Variants in VNN1 observed in about 807,000 individuals in gnomAD.
The protein encoded by VNN1 is pantetheinase.
Under a neutral mutation model 41.9 loss-of-function variants are expected in VNN1, and 29 were observed. The observed-to-expected ratio is 0.69, with a 90% CI of 0.52 to 0.94. The LOEUF (loss-of-function observed/expected upper bound fraction) is 0.94. VNN1 is among the 40% of genes least tolerant of loss of function. VNN1 has a pLI of 0.00. For synonymous variants in VNN1, 233 were observed against 224.4 expected (o/e 1.04, Z -0.34); for missense variants, 637 against 621.1 (o/e 1.03, Z -0.27).
chr6:132,700,164 ATGGTCT>A (rs1778430362), intron 2 of VNN1, among the ~76,000 whole-genome samples: 1 of 152,208 alleles, frequency 6.6e-6, no homozygotes, highest in African/African-American at 2.4e-5. Flanking sequence ...GATATGGCAG[ATGGTCT>A]CCACATTGGG....
At position 132,693,124 on chromosome 6, in the gene VNN1, C is replaced by G. The variant is rs1342847261; in HGVS notation, c.726G>C (p.Leu242Phe). 1 of 1,613,950 alleles carries G rather than the reference C, an allele frequency of 6.2e-7. No homozygotes were observed. The highest frequency in any genetic ancestry group is 1.7e-5 in the Admixed American group (1 of 59,992). ...IVFPTAWMNV[L>F]PHLSAVEFHS... Reference sequence around the variant, plus strand: ...GGAATTCAACAGCTGACAAATGTGGCAAAACATTCATCCAAGCTGTTGGGA... The same window carrying G: ...GGAATTCAACAGCTGACAAATGTGGGAAAACATTCATCCAAGCTGTTGGGA... Residue 242 changes from leucine to phenylalanine, a missense_variant, in exon 4 of 7, where the codon TTG becomes TTC. Leu to Phe is a conservative substitution (Grantham distance 22). Coordinates refer to ENST00000367928, the MANE Select transcript of VNN1 (RefSeq NM_004666.3).
In VNN1 at chr6:132,694,114, G is replaced by A. The variant is rs1223306276; in HGVS notation, c.410C>T (p.Ala137Val). ...LAKNNSIYVV[A>V]NIGDKKPCDT... ...GCATGGCTTCTTGTCCCCAATATTT[G>A]CCACAACATAGATAGAGTTGTTCTT... The change falls in exon 3 of 7, where the codon GCA becomes GTA. Residue 137 changes from alanine (A) to valine (V), a missense_variant. Physicochemically the swap from Ala to Val is moderately conservative, Grantham distance 64 (BLOSUM62 0). Transcript: ENST00000367928. 1 of 1,613,902 alleles carries A rather than the reference G, an allele frequency of 6.2e-7. No individual in the cohort carries two copies. The highest frequency in any genetic ancestry group is 1.3e-5 in the African/African-American group (1 of 74,888).
intron 5 of VNN1, among the ~76,000 whole-genome samples, chr6:132,688,990 G>A (rs1201173212): frequency 2.0e-5 from 3 of 152,120 alleles, no homozygotes; most frequent in East Asian, 3.9e-4. Context: ...CCAGGATCAA[G>A]CAATTCTCCT....
chr6:132,713,742 C>T lies in VNN1; in HGVS notation c.210+84G>A, dbSNP rs145379570. On this transcript the variant is annotated intron_variant, in intron 1 of 6. Transcript: ENST00000367928. ...ATACATATATCATCTAAAAGTGTAA[C>T]TGACCCTGACAGTGGCCCTGTCTCC... is the stretch of plus-strand genomic sequence containing the variant. 5.9e-3 allele frequency: 8,452 copies of T among 1,431,546 alleles called. 47 individuals carry two copies. The highest frequency in any genetic ancestry group is 9.0e-3 in the Middle Eastern group (35 of 3,880). The allele number at this position is 1,431,546 out of a possible 1,614,324, so 88.7% of individuals were successfully genotyped here.
At chr6:132,689,637 C>T (rs532772804) in intron 5 of VNN1, among the ~76,000 whole-genome samples, 1 of 152,256 alleles carries the variant, frequency 6.6e-6, no homozygotes, top group African/African-American at 2.4e-5. Context: ...TCCTTTCCTG[C>T]CCCAAATACC....
chr6:132,710,155 T>G (rs1778578104), intron 2 of VNN1, among the ~76,000 whole-genome samples: 1 of 152,036 alleles, frequency 6.6e-6, no homozygotes, highest in Non-Finnish European at 1.5e-5. Context: ...TTCAAGCAGT[T>G]CTCCCTGCCT....
In VNN1 at chr6:132,693,052, G is replaced by A; in HGVS notation, c.798C>T (p.Asn266=). 1 of 1,613,128 alleles carries A rather than the reference G, an allele frequency of 6.2e-7. No homozygotes were observed. Among genetic ancestry groups the A allele is most frequent in the Non-Finnish European group, 8.5e-7 (1 of 1,179,404 alleles). Residue 266 remains asparagine, a synonymous_variant, in exon 4 of 7, where the codon AAC becomes AAT. Coordinates refer to ENST00000367928, the MANE Select transcript of VNN1 (RefSeq NM_004666.3). Reference sequence around the variant, plus strand: ...TCATTTTCTTTGAGGGGTAATGTATGTTGGATGCAAGGAAATTGACCCTCA... The same window carrying A: ...TCATTTTCTTTGAGGGGTAATGTATATTGGATGCAAGGAAATTGACCCTCA... ...MGMRVNFLAS[N]IHYPSKKMTG...
At chr6:132,687,390 G>C (rs1481979735) in intron 5 of VNN1, among the ~76,000 whole-genome samples, 1 of 151,988 alleles carries the variant, frequency 6.6e-6, no homozygotes, top group Non-Finnish European at 1.5e-5. Context: ...ACAAGAAAGA[G>C]GGCACAAGCC....
chr6:132,692,526 T>A lies in VNN1; in HGVS notation c.885A>T (p.Glu295Asp), dbSNP rs753969072. 23 of 1,610,644 alleles carry A rather than the reference T, an allele frequency of 1.4e-5. No homozygotes were observed. The highest frequency in any genetic ancestry group is 1.9e-5 in the Non-Finnish European group (23 of 1,179,832). ...GTTGCGAGAGGAGGAGTTTTCCCTC[T>A]TCTGTCTTCATATCATAATGAAATG... ...SRAFHYDMKT[E>D]EGKLLLSQLD... is the part of the protein sequence containing the mutation. The change falls in exon 5 of 7, where the codon GAA (glutamate) becomes GAT (aspartate). Residue 295 changes from glutamate to aspartate, a missense_variant. By Grantham distance (45) the Glu-to-Asp change is conservative. Transcript: ENST00000367928.
intron 2 of VNN1, among the ~76,000 whole-genome samples, chr6:132,706,951 G>C: frequency 6.7e-6 from 1 of 149,898 alleles, no homozygotes; most frequent in Non-Finnish European, 1.5e-5. Context: ...AATCAACCGG[G>C]CATGGTGATT....
intron 2 of VNN1, among the ~76,000 whole-genome samples, chr6:132,710,687 G>A (rs1001226306): frequency 5.3e-5 from 8 of 152,102 alleles, no homozygotes; most frequent in Admixed American, 3.9e-4. Flanking sequence ...CCATGTCCCT[G>A]CAAAGGACAT....
intron 5 of VNN1, among the ~76,000 whole-genome samples, chr6:132,691,644 G>A (rs45557035): frequency 0.013 from 1,984 of 152,260 alleles, 38 homozygotes; most frequent in African/African-American, 0.044. Context: ...GCTACTGCAA[G>A]TAAATGTCCT....
Position 132,683,043 on chromosome 6 carries a change from C to G in VNN1, c.*97G>C. 9.5e-7 allele frequency: 1 copy of G among 1,054,276 alleles called. No homozygotes were observed. The highest frequency in any genetic ancestry group is 1.3e-6 in the Non-Finnish European group (1 of 753,456). 65.3% of individuals were successfully genotyped at this position (1,054,276 alleles called of 1,614,324 possible). A position where few individuals can be genotyped will look rare whatever the true frequency, so the allele number is the denominator to read the frequency against. On this transcript the variant is annotated 3_prime_UTR_variant, in exon 7 of 7. Coordinates refer to ENST00000367928, the MANE Select transcript of VNN1 (RefSeq NM_004666.3). ...TAAATAAAGAGAAACTAGTAATTCA[C>G]TTATACTAGAGGATAATATTAACCC...
intron 2 of VNN1, 62 bp downstream of exon 2, chr6:132,711,647 A>C: frequency 6.4e-7 from 1 of 1,569,016 alleles, no homozygotes; most frequent in Admixed American, 1.8e-5. Context: ...TCATCAACAA[A>C]GTTTTCCCAG....
chr6:132,703,728 T>C (rs1437659944), intron 2 of VNN1, among the ~76,000 whole-genome samples: 1 of 151,674 alleles, frequency 6.6e-6, no homozygotes, highest in African/African-American at 2.4e-5. Context: ...ATGTAAATGG[T>C]CTAAACTCTC....
Position 132,683,305 on chromosome 6 carries a change from G to A in VNN1, c.1377C>T (p.Arg459=), listed in dbSNP as rs138604096. 1.4e-5 allele frequency: 23 copies of A among 1,613,494 alleles called. No homozygotes were observed. The highest frequency in any genetic ancestry group is 1.9e-5 in the Non-Finnish European group (23 of 1,179,892). ...CGGATGTTGGCTTCAGACTAAACAAGCGTCCGTCAGTTGACACCTGATTAA... is the reference window on the plus strand; with the variant it reads ...CGGATGTTGGCTTCAGACTAAACAAACGTCCGTCAGTTGACACCTGATTAA... ...PGEFQVSTDG[R]LFSLKPTSGP... is the part of the protein sequence containing the mutation. The change falls in exon 7 of 7, where the codon CGC becomes CGT. Residue 459 remains arginine (R), a synonymous_variant. Transcript: ENST00000367928.
At chr6:132,704,022 A>T (rs758318995) in intron 2 of VNN1, among the ~76,000 whole-genome samples, 4 of 152,186 alleles carry the variant, frequency 2.6e-5, no homozygotes, top group Admixed American at 1.3e-4. Context: ...AATTGAGCAC[A>T]CAAGTGTGCT....
At chr6:132,688,538 G>T (rs1462224649) in intron 5 of VNN1, among the ~76,000 whole-genome samples, 1 of 152,144 alleles carries the variant, frequency 6.6e-6, no homozygotes, top group Non-Finnish European at 1.5e-5. Flanking sequence ...AGGTAAAAAG[G>T]TAGGAAAAGA....
intron 2 of VNN1, among the ~76,000 whole-genome samples, chr6:132,701,798 A>ATCC (rs1477783575): frequency 6.6e-6 from 1 of 152,210 alleles, no homozygotes; most frequent in Non-Finnish European, 1.5e-5. Context: ...ACTCTCCCCC[A>ATCC]TCCTCCAGGT....
Sources: allele counts gnomAD v4.1 joint callset (sites outside exome capture counted in the v4.1 genomes callset), GRCh38; gene constraint gnomAD v4.1.1; transcripts MANE v1.5; gene names NCBI Gene and HGNC (gene_info 2026-07-23, HGNC 2026-07-21).